AVEN: variants seen among roughly 807,000 people sequenced by gnomAD.
The protein encoded by AVEN is cell death regulator Aven.
A neutral mutation model predicts 38.1 loss-of-function variants in AVEN; 41 were observed. That is an observed-to-expected ratio of 1.08 (90% CI 0.84 to 1.40). AVEN has a LOEUF of 1.40. AVEN is among the 40% of genes most tolerant of loss of function. AVEN has a pLI of 0.00. For missense variants in AVEN, 605 were observed against 438.8 expected (o/e 1.38, Z -3.38); for synonymous variants, 206 against 171.8 (o/e 1.20, Z -1.56).
At chr15:33,853,133 T>C in the AVEN span, 1 of 1,487,798 alleles carries the variant, frequency 6.7e-7, no homozygotes, top group Non-Finnish European at 9.0e-7. Context: ...CCAAAAAATG[T>C]GGTGTATGTT....
chr15:33,994,105 G>A (rs573123972), intron 2 of AVEN, among the ~76,000 whole-genome samples: 4 of 152,352 alleles, frequency 2.6e-5, no homozygotes, highest in Admixed American at 2.0e-4. Flanking sequence ...TCTGTGGCTT[G>A]TTAGGAACCG....
intron 3 of AVEN, among the ~76,000 whole-genome samples, chr15:33,874,323 A>C (rs1567389395): frequency 6.6e-6 from 1 of 152,162 alleles, no homozygotes; most frequent in Non-Finnish European, 1.5e-5. Context: ...CAGGTCTGAA[A>C]CTGCTGGTAC....
At chr15:33,856,198 C>G (rs576620100), downstream of AVEN, 1 of 152,194 alleles carries the variant, frequency 6.6e-6, no homozygotes, top group Non-Finnish European at 1.5e-5. Flanking sequence ...AGTTCTTTCT[C>G]TTTTTTTTCC....
At chr15:33,916,211 GCCAA>G (rs1424780906) in intron 2 of AVEN, among the ~76,000 whole-genome samples, 5 of 152,136 alleles carry the variant, frequency 3.3e-5, no homozygotes, top group Non-Finnish European at 7.3e-5. Flanking sequence ...CTGGCAAGAG[GCCAA>G]CCAACACAAA....
chr15:33,948,746 C>T (rs1005740100), intron 2 of AVEN, among the ~76,000 whole-genome samples: 8 of 152,140 alleles, frequency 5.3e-5, no homozygotes, highest in African/African-American at 1.4e-4. Context: ...AATCTCAGCT[C>T]ACTGGAACCT....
chr15:33,937,932 CA>C (rs55887919), intron 2 of AVEN, among the ~76,000 whole-genome samples: 283 of 100,618 alleles, frequency 2.8e-3, no homozygotes, highest in African/African-American at 9.0e-3. Context: ...CCTACTTGAC[CA>C]AAAAAAAAAA....
intron 2 of AVEN, among the ~76,000 whole-genome samples, chr15:33,908,542 C>A (rs1348829743): frequency 6.6e-6 from 1 of 152,190 alleles, no homozygotes; most frequent in African/African-American, 2.4e-5. Flanking sequence ...AACTACCATT[C>A]TATTTTCTGT....
downstream of AVEN, chr15:33,854,529 C>T: frequency 1.6e-6 from 2 of 1,216,512 alleles, no homozygotes; most frequent in Non-Finnish European, 2.3e-6. Flanking sequence ...GCAGGATGCT[C>T]AGAAGGGTTC....
intron 2 of AVEN, among the ~76,000 whole-genome samples, chr15:33,950,306 T>C (rs1894689822): frequency 6.6e-6 from 1 of 152,200 alleles, no homozygotes; most frequent in Admixed American, 6.5e-5. Context: ...ATAATTAATA[T>C]TACTCTCTTA....
rs745356730 is a variant in AVEN, at chr15:33,866,605, T to C, written c.*8A>G. On this transcript the variant is annotated 3_prime_UTR_variant, in exon 6 of 6. Coordinates refer to ENST00000306730, the MANE Select transcript of AVEN (RefSeq NM_020371.3). ...CAAGATTTGCTTCAGGCACTTTTTT[T>C]CCCCTTTTTAGGAAATCATGCTGTC... is the stretch of plus-strand genomic sequence containing the variant. The C allele has an allele frequency of 1.2e-5, 20 of 1,609,570 alleles. No individual in the cohort carries two copies. Among genetic ancestry groups the C allele is most frequent in the East Asian group, 2.2e-5 (1 of 44,874 alleles).
At chr15:34,049,640 C>T (rs1899857439) in intron 5 of AVEN, among the ~76,000 whole-genome samples, 2 of 152,066 alleles carry the variant, frequency 1.3e-5, no homozygotes, top group Non-Finnish European at 2.9e-5. Context: ...ATTTCCCCAA[C>T]CTAGCAAGTC....
At chr15:33,864,427 G>C (rs765333673), downstream of AVEN, among the ~76,000 whole-genome samples, 1 of 151,144 alleles carries the variant, frequency 6.6e-6, no homozygotes, top group Non-Finnish European at 1.5e-5. Flanking sequence ...AGCTGGAGGT[G>C]GGGAGAACAT....
At chr15:33,918,266 G>A (rs1449958974) in intron 2 of AVEN, among the ~76,000 whole-genome samples, 1 of 152,072 alleles carries the variant, frequency 6.6e-6, no homozygotes, top group Non-Finnish European at 1.5e-5. Context: ...ACTGCTTGAA[G>A]CTTCTTTTAA....
chr15:33,877,709 C>G (rs7172839), intron 2 of AVEN, among the ~76,000 whole-genome samples: 19,776 of 151,876 alleles, frequency 0.13, 1,981 homozygotes, highest in African/African-American at 0.28. Context: ...CCAGCATTGT[C>G]GGAGGCCGAG....
At chr15:34,008,961 C>A (rs1236631182) in intron 1 of AVEN, among the ~76,000 whole-genome samples, 1 of 149,528 alleles carries the variant, frequency 6.7e-6, no homozygotes. Context: ...CGCGCACACA[C>A]ACACACACAC....
intron 2 of AVEN, among the ~76,000 whole-genome samples, chr15:33,926,140 T>C (rs1035220911): frequency 6.6e-6 from 1 of 150,982 alleles, no homozygotes; most frequent in Non-Finnish European, 1.5e-5. Context: ...ATGTGAAAAG[T>C]ATTTCCCAGA....
chr15:34,040,422 C>G (rs1899420025), upstream of AVEN, among the ~76,000 whole-genome samples: 4 of 152,144 alleles, frequency 2.6e-5, no homozygotes, highest in Admixed American at 2.6e-4. Flanking sequence ...GGGGCGCCTT[C>G]CAGACAGGGG....
At chr15:33,940,644 C>T (rs1243520685) in intron 2 of AVEN, among the ~76,000 whole-genome samples, 5 of 152,050 alleles carry the variant, frequency 3.3e-5, no homozygotes, top group South Asian at 2.1e-4. Context: ...CGGGTTCAAG[C>T]GATTCTCCTG....
chr15:33,967,741 CTG>C (rs1421587226), intron 2 of AVEN, among the ~76,000 whole-genome samples: 1 of 151,574 alleles, frequency 6.6e-6, no homozygotes, highest in African/African-American at 2.4e-5. Flanking sequence ...AATTTAAAAA[CTG>C]AAGTGCAAAA....
Sources: gnomAD v4.1 joint callset for allele counts (sites outside exome capture counted in the v4.1 genomes callset) on GRCh38, gnomAD v4.1.1 for gene constraint, MANE v1.5 for transcripts, NCBI Gene and HGNC (gene_info 2026-07-23, HGNC 2026-07-21) for gene names.